The following PDCD2L variants were observed in gnomAD, a reference collection of about 807,000 sequenced individuals.
PDCD2L encodes the protein programmed cell death 2 like, also known as uS5 assembly chaperone PDCD2L.
Under a neutral mutation model 40.4 loss-of-function variants are expected in PDCD2L, and 44 were observed. That is an observed-to-expected ratio of 1.09 (90% CI 0.86 to 1.40). PDCD2L has a LOEUF of 1.40. Among genes scored for constraint, PDCD2L ranks in the 40% most tolerant of loss-of-function variants. PDCD2L has a pLI of 0.00. For missense variants in PDCD2L, 470 were observed against 453.7 expected (o/e 1.04, Z -0.33); for synonymous variants, 194 against 174.6 (o/e 1.11, Z -0.88).
At chr19:34,411,137 G>A (rs1315673467) in intron 4 of PDCD2L, among the ~76,000 whole-genome samples, 3 of 148,444 alleles carry the variant, frequency 2.0e-5, no homozygotes, top group Non-Finnish European at 4.5e-5. Context: ...ATTTTTGGTG[G>A]GTTTCTTCAG....
At position 34,408,310 on chromosome 19, in the gene PDCD2L, A is replaced by G. The variant is rs1402490624; in HGVS notation, c.337-851A>G. Among the ~76,000 whole-genome samples the G allele has an allele frequency of 2.0e-5, 3 of 151,872 alleles. No homozygotes were observed. The East Asian group carries it at 5.8e-4, about 29-fold the overall frequency. On this transcript the variant is annotated intron_variant, in intron 3 of 6. Transcript: ENST00000246535. ...TATATTTGTCAGGGTTCAGGTGCAG[A>G]TAATTAGAAAAGTGCTGTTGCTTTT...
intron 5 of PDCD2L, among the ~76,000 whole-genome samples, chr19:34,419,606 T>C (rs764521077): frequency 1.3e-5 from 2 of 151,790 alleles, no homozygotes; most frequent in Non-Finnish European, 1.5e-5. Flanking sequence ...CTTCTCAAAG[T>C]GCTAGGGTTA....
At chr19:34,415,304 G>A (rs954459441) in intron 5 of PDCD2L, among the ~76,000 whole-genome samples, 3 of 151,888 alleles carry the variant, frequency 2.0e-5, no homozygotes, top group African/African-American at 7.3e-5. Flanking sequence ...AGTGGAGACG[G>A]AGTTTTACCA....
chr19:34,405,032 G>A (rs767394734), intron 3 of PDCD2L, 42 bp downstream of exon 3: 18 of 1,608,066 alleles, frequency 1.1e-5, no homozygotes, highest in Non-Finnish European at 1.4e-5. Flanking sequence ...TCTGTCATTT[G>A]AGGATATTTT....
At position 34,404,966 on chromosome 19, in the gene PDCD2L, A is replaced by C; in HGVS notation, c.312A>C (p.Pro104=). ...TCCGCTCCCAGTGCCTGCAGGTGCC[A>C]GAGAGAGAGGCGCAGGACGCTCAGG... ...KVFRSQCLQV[P]EREAQDAQKQ... The change falls in exon 3 of 7, where the codon CCA becomes CCC. Residue 104 remains proline (P), a synonymous_variant. Transcript: ENST00000246535. 6.2e-7 allele frequency: 1 copy of C among 1,614,048 alleles called. No individual in the cohort carries two copies. The highest frequency in any genetic ancestry group is 8.5e-7 in the Non-Finnish European group (1 of 1,179,974).
chr19:34,413,119 A>G (rs530695656), intron 4 of PDCD2L, among the ~76,000 whole-genome samples: 1 of 149,872 alleles, frequency 6.7e-6, no homozygotes, highest in South Asian at 2.1e-4. Flanking sequence ...GCTCACTGCA[A>G]CCTCCATCTC....
chr19:34,412,387 C>T (rs1257913280), intron 4 of PDCD2L, among the ~76,000 whole-genome samples: 1 of 152,090 alleles, frequency 6.6e-6, no homozygotes, highest in East Asian at 1.9e-4. Flanking sequence ...CAGGGAACTG[C>T]AGAGCTACAT....
Position 34,426,045 on chromosome 19 carries a change from G to GC in PDCD2L, c.1007dup (p.Asn337LysfsTer18), listed in dbSNP as rs753424673. 5.6e-6 allele frequency: 9 copies of GC among 1,612,274 alleles called. No individual in the cohort carries two copies. The South Asian group carries it at 8.8e-5, about 16-fold the overall frequency. On this transcript the variant is annotated frameshift_variant, in exon 7 of 7. Transcript: ENST00000246535. LOFTEE classifies it high-confidence loss of function. Reference sequence around the variant, plus strand: ...TTTACACATGTGAGAAGAGTTGCTGGCCCCCAAATCATCAGACTCCCATGG... The same window carrying GC: ...TTTACACATGTGAGAAGAGTTGCTGGCCCCCCAAATCATCAGACTCCCATGG...
chr19:34,424,690 C>T (rs1201980542), intron 6 of PDCD2L, among the ~76,000 whole-genome samples: 1 of 151,812 alleles, frequency 6.6e-6, no homozygotes, highest in African/African-American at 2.4e-5. Flanking sequence ...TTTCCCTTAC[C>T]AGTCAGATGC....
Position 34,413,820 on chromosome 19 carries a change from TTGCTGC to T in PDCD2L, c.772_777del (p.Ala258_Ala259del). 6.2e-7 allele frequency: 1 copy of T among 1,603,372 alleles called. No homozygotes were observed. The highest frequency in any genetic ancestry group is 8.5e-7 in the Non-Finnish European group (1 of 1,172,106). The stretch of plus-strand genomic sequence containing the variant: ...ACGTTTTACAAATTCATGAAGCGAA[TTGCTGC>T]TTGTCAGGAGCAGATTTTGAGGTAA... On this transcript the variant is annotated inframe_deletion, in exon 5 of 7. Transcript: ENST00000246535.
intron 4 of PDCD2L, among the ~76,000 whole-genome samples, chr19:34,412,534 G>A (rs57073686): frequency 1.3e-5 from 2 of 151,854 alleles, no homozygotes; most frequent in South Asian, 2.1e-4. Flanking sequence ...CCTGGCCGAC[G>A]TGGTGAAACC....
intron 5 of PDCD2L, among the ~76,000 whole-genome samples, chr19:34,416,281 T>C (rs2075126207): frequency 6.6e-6 from 1 of 152,096 alleles, no homozygotes; most frequent in South Asian, 2.1e-4. Flanking sequence ...AGAGTTTGCA[T>C]CTCCTAATGT....
chr19:34,412,830 G>A (rs963617729), intron 4 of PDCD2L, among the ~76,000 whole-genome samples: 9 of 148,970 alleles, frequency 6.0e-5, no homozygotes, highest in African/African-American at 2.2e-4. Context: ...GTAGTGCAAT[G>A]GTGTGCTCAC....
chr19:34,412,626 G>C (rs1046995961), intron 4 of PDCD2L, among the ~76,000 whole-genome samples: 1 of 151,438 alleles, frequency 6.6e-6, no homozygotes, highest in African/African-American at 2.4e-5. Flanking sequence ...GCTGAGGCAG[G>C]AGAATTGCTT....
Position 34,404,435 on chromosome 19 carries a change from C to A in PDCD2L, c.5C>A (p.Ala2Glu), listed in dbSNP as rs1222732893. Residue 2 changes from alanine (A) to glutamate (E), a missense_variant, in exon 1 of 7, where the codon GCG becomes GAG. Physicochemically the swap from Ala to Glu is moderately radical, Grantham distance 107 (BLOSUM62 -1). Coordinates refer to ENST00000246535, the MANE Select transcript of PDCD2L (RefSeq NM_032346.2). ...TCACCTGGTCGCCCGGCGGCCATGG[C>A]GGCCGTTCTGAAGCCGGTGCTGCTG... MAAVLKPVLLGL... is the reference protein window; with the variant it reads MEAVLKPVLLGL... The A allele has an allele frequency of 2.6e-6, 4 of 1,541,998 alleles. No homozygotes were observed. The highest frequency in any genetic ancestry group is 2.4e-5 in the South Asian group (2 of 83,678).
intron 5 of PDCD2L, among the ~76,000 whole-genome samples, chr19:34,418,752 C>G (rs1411451439): frequency 2.6e-5 from 4 of 152,174 alleles, no homozygotes; most frequent in African/African-American, 9.7e-5. Flanking sequence ...TTTAAGAATT[C>G]TACTTCCTGT....
chr19:34,404,972 A>C lies in PDCD2L; in HGVS notation c.318A>C (p.Arg106Ser), dbSNP rs1343370688. 1 of 1,614,148 alleles carries C rather than the reference A, an allele frequency of 6.2e-7. No individual in the cohort carries two copies. Among genetic ancestry groups the C allele is most frequent in the South Asian group, 1.1e-5 (1 of 91,080 alleles). The change falls in exon 3 of 7, where the codon AGA (arginine) becomes AGC (serine). Residue 106 changes from arginine (R) to serine (S), a missense_variant. Transcript: ENST00000246535. ...FRSQCLQVPE[R>S]EAQDAQKQGN... is the part of the protein sequence containing the mutation. ...CCCAGTGCCTGCAGGTGCCAGAGAG[A>C]GAGGCGCAGGACGCTCAGGTAAAGG...
intron 6 of PDCD2L, chr19:34,422,425 C>CTAG (rs528744851): frequency 3.6e-4 from 55 of 152,034 alleles, no homozygotes; most frequent in African/African-American, 1.3e-3. Context: ...TCTCGAACTC[C>CTAG]TAGACTCAAG....
In PDCD2L at chr19:34,422,042, G is replaced by A. The variant is rs562400661; in HGVS notation, c.946+375G>A. ...GTAGAGGTTGCAGTGAGCCAAGATC[G>A]CACCACTCTACTCCAGCCTGGCGAC... On this transcript the variant is annotated intron_variant, in intron 6 of 6. Coordinates refer to ENST00000246535, the MANE Select transcript of PDCD2L (RefSeq NM_032346.2). 886 of 149,604 alleles carry A rather than the reference G, an allele frequency of 5.9e-3. 6 individuals are homozygous for A. Among genetic ancestry groups the A allele is most frequent in the African/African-American group, 0.021 (835 of 39,904 alleles). The allele number at this position is 149,604 out of a possible 1,614,324, so 9.3% of individuals were successfully genotyped here.
Sources: allele counts gnomAD v4.1 joint callset (sites outside exome capture counted in the v4.1 genomes callset), GRCh38; gene constraint gnomAD v4.1.1; transcripts MANE v1.5; gene names NCBI Gene and HGNC (gene_info 2026-07-23, HGNC 2026-07-21).